The following LRRC53 variants were observed in gnomAD, a reference collection of about 807,000 sequenced individuals.
LRRC53 encodes the protein leucine-rich repeat-containing protein 53.
Under a neutral mutation model 13.6 loss-of-function variants are expected in LRRC53, and 25 were observed. That is an observed-to-expected ratio of 1.83 (90% CI 1.34 to 2.56). The LOEUF is 2.56. Ranked by LOEUF, LRRC53 falls within the 30% of genes most tolerant of loss-of-function variation. The probability of loss-of-function intolerance (pLI) is 0.00; values close to 1 mark genes in which losing one functional copy is unlikely to be tolerated. For missense variants in LRRC53, 527 were observed against 275.8 expected, an observed-to-expected ratio of 1.91 and a Z score of -6.45; for synonymous variants, 204 against 109.8, an observed-to-expected ratio of 1.86 and a Z score of -5.37.
intron 3 of LRRC53, among the ~76,000 whole-genome samples, chr1:74,478,330 C>A (rs964137437): frequency 2.0e-5 from 3 of 152,078 alleles, no homozygotes; most frequent in Non-Finnish European, 4.4e-5. Context: ...TATAATTTAT[C>A]AGAATTTATT....
chr1:74,480,583 A>T lies in LRRC53; in HGVS notation c.474T>A (p.Ser158Arg), dbSNP rs753523442. Residue 158 changes from serine to arginine, a missense_variant, in exon 3 of 5, where the codon AGT (serine) becomes AGA (arginine). Physicochemically the swap from Ser to Arg is moderately radical, Grantham distance 110. Coordinates refer to ENST00000294635, the MANE Select transcript of LRRC53 (RefSeq NM_001382280.1). ...TGTTGGATAAATCCAGATACCTGAG[A>T]CTGTGGAGATTCGTGCCTCCGAAAG... ...DSSFGGTNLHSLRYLDLSNNF... is the reference protein window; with the variant it reads ...DSSFGGTNLHRLRYLDLSNNF... The T allele has an allele frequency of 2.1e-5, 15 of 717,148 alleles. No individual in the cohort carries two copies. In the South Asian group the frequency reaches 2.2e-4, roughly 11 times the overall value. 44.4% of individuals were successfully genotyped at this position (717,148 alleles called of 1,614,324 possible). A position where few individuals can be genotyped will look rare whatever the true frequency, so the allele number is the denominator to read the frequency against.
In LRRC53 at chr1:74,471,322, G is replaced by C. The variant is rs976885110; in HGVS notation, c.2300C>G (p.Ser767Cys). 13 of 400,572 alleles carry C rather than the reference G, an allele frequency of 3.2e-5. No homozygotes were observed. The highest frequency in any genetic ancestry group is 2.7e-4 in the African/African-American group (13 of 48,680). 24.8% of individuals were successfully genotyped at this position (400,572 alleles called of 1,614,324 possible). ...ETEAKINTVC[S>C]ADFLQQSESS... ...CTCTGACTGTTGAAGAAAATCTGCAGAACACACAGTATTTATTTTGGCTTC... is the reference window on the plus strand; with the variant it reads ...CTCTGACTGTTGAAGAAAATCTGCACAACACACAGTATTTATTTTGGCTTC... The change falls in exon 5 of 5, where the codon TCT (serine) becomes TGT (cysteine). Residue 767 changes from serine to cysteine, a missense_variant. Ser to Cys is a moderately radical substitution (Grantham distance 112). Transcript: ENST00000294635.
chr1:74,487,493 A>G (rs1264992113), intron 1 of LRRC53, among the ~76,000 whole-genome samples: 1 of 152,158 alleles, frequency 6.6e-6, no homozygotes, highest in Non-Finnish European at 1.5e-5. Flanking sequence ...TTGAAGTGAG[A>G]CCAGGCAGAA....
In LRRC53 at chr1:74,471,973, T is replaced by A; in HGVS notation, c.1649A>T (p.Lys550Ile). Reference sequence around the variant, plus strand: ...TAACAGTCCACAAGGATCATCATATTTTGATCTATTTTTTTGTACGATCTT... The same window carrying A: ...TAACAGTCCACAAGGATCATCATATATTGATCTATTTTTTTGTACGATCTT... Reference protein sequence around the residue: ...VQKIVQKNRSKYDDPCGLLKQ... With the variant: ...VQKIVQKNRSIYDDPCGLLKQ... The change falls in exon 5 of 5, where the codon AAA becomes ATA. Residue 550 changes from lysine to isoleucine, a missense_variant. Coordinates refer to ENST00000294635, the MANE Select transcript of LRRC53 (RefSeq NM_001382280.1). 1.6e-6 allele frequency: 1 copy of A among 624,434 alleles called. No homozygotes were observed. Among genetic ancestry groups the A allele is most frequent in the Admixed American group, 2.8e-5 (1 of 36,236 alleles). 38.7% of individuals were successfully genotyped at this position (624,434 alleles called of 1,614,324 possible).
chr1:74,472,392 T>G (rs923137226), intron 4 of LRRC53, among the ~76,000 whole-genome samples, 191 bp from the exon 5 acceptor site: 4 of 152,286 alleles, frequency 2.6e-5, no homozygotes, highest in Admixed American at 2.6e-4. Flanking sequence ...AATGACACTC[T>G]TTATGGTCAC....
chr1:74,515,403 A>G (rs1198542487), upstream of LRRC53, among the ~76,000 whole-genome samples: 1 of 152,214 alleles, frequency 6.6e-6, no homozygotes, highest in Admixed American at 6.6e-5. Flanking sequence ...GTGCTTTGTC[A>G]GAAAATAAAT....
intron 3 of LRRC53, among the ~76,000 whole-genome samples, chr1:74,478,243 C>A (rs564921941): frequency 5.3e-5 from 8 of 152,102 alleles, no homozygotes; most frequent in Non-Finnish European, 8.8e-5. Flanking sequence ...CAAAGCACTA[C>A]AATTTAACAA....
At chr1:74,479,093 A>T (rs1281324774) in intron 3 of LRRC53, among the ~76,000 whole-genome samples, 3 of 152,180 alleles carry the variant, frequency 2.0e-5, no homozygotes, top group African/African-American at 7.2e-5. Context: ...ATAATGATTT[A>T]TAGCACATAT....
upstream of LRRC53, among the ~76,000 whole-genome samples, chr1:74,517,299 G>A (rs72981524): frequency 3.0e-3 from 457 of 152,244 alleles, 5 homozygotes; most frequent in Middle Eastern, 0.014. Flanking sequence ...CCTCATTAAC[G>A]TTCATTAGAA....
At chr1:74,504,596 C>A (rs1284860112) in intron 1 of LRRC53, among the ~76,000 whole-genome samples, 2 of 152,058 alleles carry the variant, frequency 1.3e-5, no homozygotes, top group Non-Finnish European at 2.9e-5. Context: ...TAATAAAAGT[C>A]AAGATATGAG....
chr1:74,475,103 T>A (rs1282169129), intron 4 of LRRC53, among the ~76,000 whole-genome samples, 192 bp downstream of exon 4: 1 of 139,928 alleles, frequency 7.1e-6, no homozygotes, highest in Non-Finnish European at 1.5e-5. Context: ...GAACACTTCA[T>A]CTCCACCTCA....
intron 1 of LRRC53, among the ~76,000 whole-genome samples, chr1:74,485,184 C>T (rs1668691313): frequency 6.6e-6 from 1 of 152,162 alleles, no homozygotes; most frequent in Non-Finnish European, 1.5e-5. Context: ...TGAATAATTA[C>T]TTTGTGGAAT....
intron 1 of LRRC53, among the ~76,000 whole-genome samples, chr1:74,499,910 T>G (rs1184918526): frequency 6.6e-6 from 1 of 152,150 alleles, no homozygotes; most frequent in Admixed American, 6.5e-5. Context: ...GCTGAAATCG[T>G]TTGGACTAAT....
At chr1:74,475,201 A>G (rs1668133007) in intron 4 of LRRC53, 94 bp downstream of exon 4, 4 of 601,988 alleles carry the variant, frequency 6.6e-6, no homozygotes, top group South Asian at 2.1e-5. Flanking sequence ...AGTGATTTTT[A>G]TAGTATTTCC....
intron 2 of LRRC53, 98 bp downstream of exon 2, chr1:74,483,164 T>C (rs1668587369): frequency 1.5e-6 from 1 of 658,144 alleles, no homozygotes. Context: ...GGTTACCTCT[T>C]AAGCTGAGCC....
At chr1:74,508,212 G>C (rs1670004348) in intron 1 of LRRC53, among the ~76,000 whole-genome samples, 2 of 152,162 alleles carry the variant, frequency 1.3e-5, no homozygotes, top group African/African-American at 4.8e-5. Context: ...CACCAACATG[G>C]CACATGTATA....
At chr1:74,482,604 G>A (rs184559207) in intron 2 of LRRC53, among the ~76,000 whole-genome samples, 26 of 152,210 alleles carry the variant, frequency 1.7e-4, no homozygotes, top group Admixed American at 2.0e-4. Flanking sequence ...CCACTCTGTC[G>A]TAACTCAAGC....
At chr1:74,479,053 T>C (rs1375277335) in intron 3 of LRRC53, among the ~76,000 whole-genome samples, 2 of 152,208 alleles carry the variant, frequency 1.3e-5, no homozygotes, top group Non-Finnish European at 2.9e-5. Context: ...AAAAATACAA[T>C]CAATTAATTC....
chr1:74,521,046 C>A, the LRRC53 span, among the ~76,000 whole-genome samples: 1 of 152,134 alleles, frequency 6.6e-6, no homozygotes, highest in South Asian at 2.1e-4. Flanking sequence ...CCTGACTGGA[C>A]AGAGTGTTCT....
Sources: allele counts gnomAD v4.1 joint callset (sites outside exome capture counted in the v4.1 genomes callset), GRCh38; gene constraint gnomAD v4.1.1; transcripts MANE v1.5; gene names NCBI Gene and HGNC (gene_info 2026-07-23, HGNC 2026-07-21).